The following RNGTT variants were observed in gnomAD, a reference collection of about 807,000 sequenced individuals.
RNGTT encodes mRNA-capping enzyme.
In RNGTT, 33 loss-of-function variants were observed where a neutral mutation model predicts 79.3. The ratio of observed to expected loss-of-function variants is 0.42; its 90% CI spans 0.32 to 0.56. RNGTT has a LOEUF of 0.56. RNGTT is among the 20% of genes least tolerant of loss of function. The probability of loss-of-function intolerance (pLI) is 0.17; values close to 1 mark genes in which losing one functional copy is unlikely to be tolerated. For missense variants in RNGTT, 497 were observed against 739.1 expected (o/e 0.67, Z 3.80); for synonymous variants, 222 against 235.9 (o/e 0.94, Z 0.54).
chr6:88,904,585 A>T, intron 6 of RNGTT, 130 bp downstream of exon 6: 4 of 1,071,824 alleles, frequency 3.7e-6, no homozygotes, highest in Non-Finnish European at 5.1e-6. Flanking sequence ...TTTTTTTTTT[A>T]GAAAGGGCTA....
chr6:88,878,018 A>T (rs1292663203), intron 8 of RNGTT, among the ~76,000 whole-genome samples: 1 of 152,200 alleles, frequency 6.6e-6, no homozygotes, highest in Non-Finnish European at 1.5e-5. Flanking sequence ...TAAAATTAGT[A>T]TAGTTAGTAT....
intron 12 of RNGTT, among the ~76,000 whole-genome samples, chr6:88,795,912 A>G (rs1290966585): frequency 6.6e-6 from 1 of 152,196 alleles, no homozygotes; most frequent in African/African-American, 2.4e-5. Flanking sequence ...AGAAAAATCT[A>G]TCATTACACA....
chr6:88,811,527 A>T (rs377611872), intron 11 of RNGTT, among the ~76,000 whole-genome samples: 3 of 152,196 alleles, frequency 2.0e-5, no homozygotes, highest in Non-Finnish European at 4.4e-5. Context: ...ATAAGCAGAG[A>T]AACATAATGC....
intron 11 of RNGTT, among the ~76,000 whole-genome samples, chr6:88,814,271 G>C (rs1419198526): frequency 1.3e-5 from 2 of 151,970 alleles, no homozygotes; most frequent in Non-Finnish European, 2.9e-5. Context: ...CAGTAATAAC[G>C]TCCTAACTGG....
At chr6:88,930,044 A>ATATACATATACATGTATATGCATG (rs1784455538) in intron 2 of RNGTT, among the ~76,000 whole-genome samples, 1 of 143,652 alleles carries the variant, frequency 7.0e-6, no homozygotes, top group South Asian at 2.2e-4. Flanking sequence ...ATATATGCAT[A>ATATACATATACATGTATATGCATG]TATACATATA....
chr6:88,842,322 A>C (rs954303753), intron 11 of RNGTT, among the ~76,000 whole-genome samples: 1 of 151,848 alleles, frequency 6.6e-6, no homozygotes, highest in Non-Finnish European at 1.5e-5. Context: ...TATATGTCTT[A>C]AAAAAAACAG....
rs112255194 is a variant in RNGTT at position 88,612,981 on chromosome 6, CT to C, written c.1631-100del. The C allele has an allele frequency of 4.8e-3, 5,320 of 1,108,906 alleles. 177 individuals are homozygous for C. The African/African-American group carries it at 0.074, about 15-fold the overall frequency. The allele number at this position is 1,108,906 out of a possible 1,614,324, so 68.7% of individuals were successfully genotyped here. ...GGTTTTCATCCCAATATACTAAATA[CT>C]TTCCATTTTACCCATTTGAGTGATG... On this transcript the variant is annotated intron_variant, in intron 15 of 15. Coordinates refer to ENST00000369485, the MANE Select transcript of RNGTT (RefSeq NM_003800.5).
At chr6:88,762,744 T>G (rs1645870509) in intron 13 of RNGTT, among the ~76,000 whole-genome samples, 1 of 152,180 alleles carries the variant, frequency 6.6e-6, no homozygotes, top group Non-Finnish European at 1.5e-5. Flanking sequence ...ATGTATTATG[T>G]CATTAAAGTC....
chr6:88,845,293 T>C (rs748826079), intron 10 of RNGTT, among the ~76,000 whole-genome samples: 4 of 152,210 alleles, frequency 2.6e-5, no homozygotes, highest in Non-Finnish European at 5.9e-5. Context: ...TTCAAAGTTA[T>C]ACAGTTATAA....
intron 13 of RNGTT, among the ~76,000 whole-genome samples, chr6:88,744,863 C>T (rs1223208662): frequency 1.3e-5 from 2 of 152,104 alleles, no homozygotes; most frequent in African/African-American, 4.8e-5. Context: ...CGAAACATTA[C>T]AAATATGATG....
intron 8 of RNGTT, among the ~76,000 whole-genome samples, chr6:88,882,193 C>G (rs1400339166): frequency 6.6e-6 from 1 of 152,112 alleles, no homozygotes; most frequent in African/African-American, 2.4e-5. Flanking sequence ...CAGAGGTATA[C>G]CTAACCTAAT....
chr6:88,621,628 T>C (rs1371780938), intron 14 of RNGTT, among the ~76,000 whole-genome samples: 1 of 152,096 alleles, frequency 6.6e-6, no homozygotes, highest in African/African-American at 2.4e-5. Flanking sequence ...TTCTTGTTTC[T>C]CGGTGTCTAA....
chr6:88,780,498 T>A (rs1307600663), intron 12 of RNGTT, among the ~76,000 whole-genome samples: 1 of 152,196 alleles, frequency 6.6e-6, no homozygotes, highest in East Asian at 1.9e-4. Flanking sequence ...CTACATGTTC[T>A]CGTGTATAGT....
chr6:88,891,929 AT>A lies in RNGTT; in HGVS notation c.685-15del. Reference sequence around the variant, plus strand: ...GAAAATAGCGCCCTTTAAAAAAAAAATAAGAAAAATAAGGGAAAGAAAAATA... The same window carrying A: ...GAAAATAGCGCCCTTTAAAAAAAAAAAAGAAAAATAAGGGAAAGAAAAATA... On this transcript the variant is annotated splice_polypyrimidine_tract_variant and intron_variant, in intron 6 of 15. Transcript: ENST00000369485. 6 of 1,464,398 alleles carry A rather than the reference AT, an allele frequency of 4.1e-6. No individual in the cohort carries two copies. The highest frequency in any genetic ancestry group is 3.7e-6 in the Non-Finnish European group (4 of 1,082,392). The allele number at this position is 1,464,398 out of a possible 1,614,324, so 90.7% of individuals were successfully genotyped here.
At chr6:88,775,438 T>C (rs1326588737) in intron 12 of RNGTT, among the ~76,000 whole-genome samples, 1 of 152,178 alleles carries the variant, frequency 6.6e-6, no homozygotes, top group African/African-American at 2.4e-5. Flanking sequence ...TCCTGAACAG[T>C]AGCTTCTAGT....
intron 13 of RNGTT, among the ~76,000 whole-genome samples, chr6:88,692,679 T>C (rs1452519844): frequency 6.6e-6 from 1 of 152,036 alleles, no homozygotes; most frequent in Admixed American, 6.6e-5. Context: ...AGGAAAATTT[T>C]GGGGGTGATG....
chr6:88,835,928 G>C (rs1335103290), intron 11 of RNGTT, among the ~76,000 whole-genome samples: 1 of 149,688 alleles, frequency 6.7e-6, no homozygotes, highest in African/African-American at 2.5e-5. Flanking sequence ...GAGCCCATGA[G>C]TTTGAGACCA....
intron 7 of RNGTT, among the ~76,000 whole-genome samples, chr6:88,891,117 CACA>C (rs1352140713): frequency 1.3e-5 from 2 of 151,786 alleles, no homozygotes; most frequent in Non-Finnish European, 2.9e-5. Flanking sequence ...TAAGGTTTAA[CACA>C]ACATTAAAAC....
chr6:88,735,927 T>A (rs1442011902), intron 13 of RNGTT, among the ~76,000 whole-genome samples: 1 of 152,006 alleles, frequency 6.6e-6, no homozygotes, highest in Non-Finnish European at 1.5e-5. Context: ...TTGATAAATC[T>A]CTAGCCAGAC....
Sources: gnomAD v4.1 joint callset for allele counts (sites outside exome capture counted in the v4.1 genomes callset) on GRCh38, gnomAD v4.1.1 for gene constraint, MANE v1.5 for transcripts, NCBI Gene and HGNC (gene_info 2026-07-23, HGNC 2026-07-21) for gene names.